ATP8A1: variants seen among roughly 807,000 people sequenced by gnomAD.
ATP8A1 encodes the protein ATPase phospholipid transporting 8A1.
A neutral mutation model predicts 177.7 loss-of-function variants in ATP8A1; 90 were observed. The ratio of observed to expected loss-of-function variants is 0.51; its 90% CI spans 0.43 to 0.60. The LOEUF is 0.60. Ranked by LOEUF, ATP8A1 falls within the 20% of genes least tolerant of loss-of-function variation. The pLI, the probability that ATP8A1 is intolerant of heterozygous loss-of-function variation, is 0.00. For synonymous variants in ATP8A1, 493 were observed against 485.9 expected (o/e 1.01, Z -0.19); for missense variants, 1,072 against 1,392.8 (o/e 0.77, Z 3.67).
At chr4:42,649,285 T>A (rs1333465022) in intron 1 of ATP8A1, among the ~76,000 whole-genome samples, 1 of 152,140 alleles carries the variant, frequency 6.6e-6, no homozygotes, top group African/African-American at 2.4e-5. Context: ...GCACTAAGGA[T>A]ATAACTAGTG....
In ATP8A1 at chr4:42,464,812, G is replaced by T. The variant is rs1719553690; in HGVS notation, c.2509-12C>A. On this transcript the variant is annotated splice_polypyrimidine_tract_variant and intron_variant, in intron 26 of 36. Coordinates refer to ENST00000381668, the MANE Select transcript of ATP8A1 (RefSeq NM_006095.2). ...TTCAAATATTTGAACTAAAACAAGAGTGGGAAAAAATTAGTATTTTCCTTT... is the reference window on the plus strand; with the variant it reads ...TTCAAATATTTGAACTAAAACAAGATTGGGAAAAAATTAGTATTTTCCTTT... 1 of 1,610,964 alleles carries T rather than the reference G, an allele frequency of 6.2e-7. No individual in the cohort carries two copies. The highest frequency in any genetic ancestry group is 1.1e-5 in the South Asian group (1 of 90,872).
intron 36 of ATP8A1, 58 bp downstream of exon 36, chr4:42,414,569 T>C: frequency 7.1e-7 from 1 of 1,414,612 alleles, no homozygotes; most frequent in Non-Finnish European, 1.0e-6. Flanking sequence ...ACTGTATAAA[T>C]GCTATGATAC....
In ATP8A1 at chr4:42,448,106, T is replaced by A. The variant is rs192724622; in HGVS notation, c.2897-1462A>T. Among the ~76,000 whole-genome samples, 436 of 152,284 alleles carry A rather than the reference T, an allele frequency of 2.9e-3. 1 individual carries two copies. Among genetic ancestry groups the A allele is most frequent in the Non-Finnish European group, 5.0e-3 (340 of 68,008 alleles). On this transcript the variant is annotated intron_variant, in intron 30 of 36. Transcript: ENST00000381668. ...TATTGATTATCATAAATATAAAACC[T>A]AACACATGGTAATATAAATGACAGG...
chr4:42,429,557 T>G (rs538689858), intron 33 of ATP8A1, among the ~76,000 whole-genome samples: 2 of 152,274 alleles, frequency 1.3e-5, no homozygotes, highest in South Asian at 2.1e-4. Flanking sequence ...TCTAGGCAAA[T>G]ACAAACTTTA....
chr4:42,490,960 A>G (rs1252074454), intron 24 of ATP8A1, among the ~76,000 whole-genome samples: 1 of 152,176 alleles, frequency 6.6e-6, no homozygotes, highest in Non-Finnish European at 1.5e-5. Flanking sequence ...GAATAACCAA[A>G]TTATTAATGA....
At chr4:42,578,219 A>C in intron 12 of ATP8A1, 41 bp downstream of exon 12, 1 of 1,520,320 alleles carries the variant, frequency 6.6e-7, no homozygotes, top group Non-Finnish European at 8.8e-7. Flanking sequence ...CTAAGGACAA[A>C]ATTATTTTGT....
intron 29 of ATP8A1, among the ~76,000 whole-genome samples, chr4:42,453,243 A>C (rs1025912778): frequency 6.6e-6 from 1 of 152,186 alleles, no homozygotes; most frequent in Non-Finnish European, 1.5e-5. Flanking sequence ...TCAGGGCAAC[A>C]ATGCTCCCGC....
At chr4:42,581,485 G>T in intron 10 of ATP8A1, 136 bp downstream of exon 10, 1 of 692,514 alleles carries the variant, frequency 1.4e-6, no homozygotes, top group Non-Finnish European at 2.5e-6. Context: ...AGGAGTACCA[G>T]ATTCTGAACA....
intron 27 of ATP8A1, among the ~76,000 whole-genome samples, chr4:42,463,968 T>C (rs1719450534): frequency 6.6e-6 from 1 of 152,170 alleles, no homozygotes; most frequent in Non-Finnish European, 1.5e-5. Flanking sequence ...CACTTCTTTG[T>C]CTCCTCCCAG....
chr4:42,653,970 C>T (rs1741378266), intron 1 of ATP8A1, among the ~76,000 whole-genome samples: 1 of 152,146 alleles, frequency 6.6e-6, no homozygotes, highest in Non-Finnish European at 1.5e-5. Context: ...ATGTCAGTAT[C>T]CTTTAGGATC....
At chr4:42,644,811 T>C (rs1740364089) in intron 1 of ATP8A1, among the ~76,000 whole-genome samples, 1 of 152,012 alleles carries the variant, frequency 6.6e-6, no homozygotes, top group Non-Finnish European at 1.5e-5. Context: ...TCACATTTTG[T>C]ACGTTAACCT....
chr4:42,606,005 C>A (rs754780946), intron 5 of ATP8A1, among the ~76,000 whole-genome samples: 2 of 152,174 alleles, frequency 1.3e-5, no homozygotes, highest in Non-Finnish European at 2.9e-5. Flanking sequence ...CCTCGCACAC[C>A]TTTCTCTAGA....
chr4:42,567,472 G>T (rs897250091), intron 15 of ATP8A1, among the ~76,000 whole-genome samples: 1 of 152,180 alleles, frequency 6.6e-6, no homozygotes, highest in Non-Finnish European at 1.5e-5. Context: ...CTGGGAGGTG[G>T]AGGTTGCAGT....
chr4:42,487,926 A>T (rs1378814986), intron 24 of ATP8A1, among the ~76,000 whole-genome samples: 4 of 152,122 alleles, frequency 2.6e-5, no homozygotes. Context: ...TTCTTTGCAA[A>T]ATTTTCTGTT....
chr4:42,513,337 A>T (rs1725205473), intron 22 of ATP8A1, among the ~76,000 whole-genome samples: 1 of 152,192 alleles, frequency 6.6e-6, no homozygotes, highest in Non-Finnish European at 1.5e-5. Flanking sequence ...ACCCTATCTT[A>T]AAAAATGTTA....
intron 20 of ATP8A1, among the ~76,000 whole-genome samples, chr4:42,540,569 G>A (rs1398649002): frequency 1.3e-5 from 2 of 151,482 alleles, no homozygotes; most frequent in African/African-American, 4.9e-5. Flanking sequence ...AAAAAAACAG[G>A]TGTATATACA....
intron 20 of ATP8A1, among the ~76,000 whole-genome samples, chr4:42,534,918 A>T (rs936744906): frequency 1.3e-5 from 2 of 152,172 alleles, no homozygotes; most frequent in Non-Finnish European, 2.9e-5. Flanking sequence ...AAGCTTCATA[A>T]ATGAAGGAAA....
chr4:42,576,277 C>A (rs1343572861), intron 12 of ATP8A1, among the ~76,000 whole-genome samples: 1 of 151,800 alleles, frequency 6.6e-6, no homozygotes, highest in African/African-American at 2.4e-5. Flanking sequence ...CGAGACCATC[C>A]TGGCTAACAC....
chr4:42,513,131 C>T (rs1018410291), intron 22 of ATP8A1, among the ~76,000 whole-genome samples: 1 of 152,162 alleles, frequency 6.6e-6, no homozygotes, highest in African/African-American at 2.4e-5. Context: ...TTGCACCTGG[C>T]TCCATCTTGT....
Sources: allele counts gnomAD v4.1 joint callset (sites outside exome capture counted in the v4.1 genomes callset), GRCh38; gene constraint gnomAD v4.1.1; transcripts MANE v1.5; gene names NCBI Gene and HGNC (gene_info 2026-07-23, HGNC 2026-07-21).